The following CDH12 variants were observed in gnomAD, a reference collection of about 807,000 sequenced individuals.
The protein encoded by CDH12 is cadherin 12, also known as cadherin-12.
In CDH12, 41 loss-of-function variants were observed where a neutral mutation model predicts 74.1. The ratio of observed to expected loss-of-function variants is 0.55; its 90% confidence interval spans 0.43 to 0.72. CDH12 has a LOEUF of 0.72. Ranked by LOEUF, CDH12 falls within the 30% of genes least tolerant of loss-of-function variation. The probability of loss-of-function intolerance (pLI) is 0.00; values close to 1 mark genes in which losing one functional copy is unlikely to be tolerated. For synonymous variants in CDH12, 399 were observed against 355.0 expected, an observed-to-expected ratio of 1.12 and a Z score of -1.39; for missense variants, 945 against 977.2, an observed-to-expected ratio of 0.97 and a Z score of 0.44.
rs1749915981 is a variant in CDH12, at chr5:22,185,933, A to G, written c.-187+26565T>C. 2.0e-5 allele frequency among the ~76,000 whole-genome samples: 3 copies of G among 152,334 alleles called. No homozygotes were observed. In the South Asian group the frequency reaches 6.2e-4, roughly 32 times the overall value. ...AAAAACAATATTGAAGGACTTCATC[A>G]TAACCAGTAGGAGAACCTGGTCAAA... On this transcript the variant is annotated intron_variant, in intron 4 of 14. Coordinates refer to ENST00000382254, the MANE Select transcript of CDH12 (RefSeq NM_004061.5).
intron 10 of CDH12, among the ~76,000 whole-genome samples, chr5:21,789,917 A>C (rs958423236): frequency 1.3e-5 from 2 of 152,100 alleles, no homozygotes; most frequent in African/African-American, 4.8e-5. Context: ...AGCACCTGCC[A>C]CTTAAATATT....
intron 1 of CDH12, among the ~76,000 whole-genome samples, chr5:22,822,441 A>G (rs1749754840): frequency 6.6e-6 from 1 of 152,166 alleles, no homozygotes. Context: ...CAGAGTGAAC[A>G]GGCAACCTAC....
At chr5:21,931,894 T>A (rs1229997204) in intron 6 of CDH12, among the ~76,000 whole-genome samples, 1 of 152,202 alleles carries the variant, frequency 6.6e-6, no homozygotes, top group Admixed American at 6.5e-5. Flanking sequence ...GACATAAAGG[T>A]GTCATGGAGA....
At chr5:22,172,832 T>C (rs1448411228) in intron 4 of CDH12, among the ~76,000 whole-genome samples, 5 of 151,724 alleles carry the variant, frequency 3.3e-5, no homozygotes, top group Non-Finnish European at 7.4e-5. Flanking sequence ...AAATTTTACA[T>C]AGCAAAATGA....
chr5:22,261,727 T>G (rs1472557049), intron 3 of CDH12, among the ~76,000 whole-genome samples: 1 of 151,918 alleles, frequency 6.6e-6, no homozygotes, highest in Non-Finnish European at 1.5e-5. Context: ...TTTAGTTGTT[T>G]TTAAATTTGC....
chr5:22,584,358 C>G (rs1740262611), intron 1 of CDH12, among the ~76,000 whole-genome samples: 1 of 152,164 alleles, frequency 6.6e-6, no homozygotes, highest in African/African-American at 2.4e-5. Flanking sequence ...CCTCGGCTTC[C>G]CGAAGTGCTG....
intron 3 of CDH12, among the ~76,000 whole-genome samples, chr5:22,320,788 G>C (rs1738841696): frequency 6.6e-6 from 1 of 152,168 alleles, no homozygotes; most frequent in East Asian, 1.9e-4. Flanking sequence ...CAAAGGTTTA[G>C]TTTTTACTTA....
chr5:22,460,567 C>T (rs972173072), intron 2 of CDH12, among the ~76,000 whole-genome samples: 3 of 152,040 alleles, frequency 2.0e-5, no homozygotes, highest in African/African-American at 7.2e-5. Flanking sequence ...TGGGATCTAA[C>T]CTTTTCACTT....
intron 1 of CDH12, among the ~76,000 whole-genome samples, chr5:22,709,124 G>C (rs773701730): frequency 2.1e-4 from 32 of 152,166 alleles, no homozygotes; most frequent in Non-Finnish European, 4.1e-4. Context: ...GTCTCCCGCA[G>C]GACCTGTAGG....
At chr5:22,772,011 G>A (rs2126312965) in intron 1 of CDH12, among the ~76,000 whole-genome samples, 1 of 151,918 alleles carries the variant, frequency 6.6e-6, no homozygotes. Flanking sequence ...TTAATCCTAG[G>A]GACACTCAAA....
chr5:22,029,253 T>C (rs939822547), intron 5 of CDH12, among the ~76,000 whole-genome samples: 4 of 151,842 alleles, frequency 2.6e-5, no homozygotes, highest in Admixed American at 2.0e-4. Context: ...AAAGACAAAA[T>C]TGACAAATGG....
chr5:22,232,873 AT>A (rs1018113949), intron 3 of CDH12, among the ~76,000 whole-genome samples: 2 of 146,694 alleles, frequency 1.4e-5, no homozygotes, highest in African/African-American at 4.9e-5. Flanking sequence ...TTATATATAT[AT>A]TTTTTCTTTA....
At chr5:22,000,934 T>C (rs979372948) in intron 5 of CDH12, among the ~76,000 whole-genome samples, 1 of 152,178 alleles carries the variant, frequency 6.6e-6, no homozygotes, top group Non-Finnish European at 1.5e-5. Flanking sequence ...AAAAAAGAAG[T>C]AATCAGTGCT....
At chr5:21,826,611 C>A (rs1315903203) in intron 8 of CDH12, among the ~76,000 whole-genome samples, 1 of 152,152 alleles carries the variant, frequency 6.6e-6, no homozygotes, top group Non-Finnish European at 1.5e-5. Flanking sequence ...TCATTTCCAT[C>A]ACTCCTAGGT....
intron 6 of CDH12, among the ~76,000 whole-genome samples, chr5:21,910,637 T>G (rs993841131): frequency 2.0e-5 from 3 of 151,546 alleles, no homozygotes; most frequent in Non-Finnish European, 4.4e-5. Flanking sequence ...TGGGAACATG[T>G]GAAGGAGAGG....
intron 1 of CDH12, among the ~76,000 whole-genome samples, chr5:22,644,329 A>C (rs927564541): frequency 6.6e-6 from 1 of 152,114 alleles, no homozygotes; most frequent in Admixed American, 6.6e-5. Flanking sequence ...TAGTGAACAC[A>C]TGAGTAATAA....
intron 4 of CDH12, among the ~76,000 whole-genome samples, chr5:22,099,823 C>A (rs1025865245): frequency 6.6e-6 from 1 of 152,134 alleles, no homozygotes; most frequent in African/African-American, 2.4e-5. Flanking sequence ...AATTCTTAGA[C>A]CTTTAATACC....
chr5:22,354,260 A>G (rs1462818109), intron 3 of CDH12, among the ~76,000 whole-genome samples: 1 of 152,220 alleles, frequency 6.6e-6, no homozygotes, highest in Non-Finnish European at 1.5e-5. Flanking sequence ...CCAGAGACCT[A>G]GGCAGCCAGG....
At position 22,545,974 on chromosome 5, in the gene CDH12, C is replaced by T. The variant is rs918072499; in HGVS notation, c.-522-40610G>A. ...TGTTGTTGCTTTTGAGATGGAGTCT[C>T]GCACTGTTGCTTGGGGCTGGAATAC... On this transcript the variant is annotated intron_variant, in intron 1 of 14. Coordinates refer to ENST00000382254, the MANE Select transcript of CDH12 (RefSeq NM_004061.5). Among the ~76,000 whole-genome samples, 6 of 151,924 alleles carry T rather than the reference C, an allele frequency of 3.9e-5. No homozygotes were observed. In the East Asian group the frequency reaches 5.8e-4, roughly 15 times the overall value.
Sources: gnomAD v4.1 joint callset for allele counts (sites outside exome capture counted in the v4.1 genomes callset) on GRCh38, gnomAD v4.1.1 for gene constraint, MANE v1.5 for transcripts, NCBI Gene and HGNC (gene_info 2026-07-23, HGNC 2026-07-21) for gene names.